Variants in SRCAP observed in about 807,000 individuals in gnomAD.
SRCAP encodes the protein chromatin remodeling protein SRCAP.
In SRCAP, 46 loss-of-function variants were observed where a neutral mutation model predicts 263.1. The ratio of observed to expected loss-of-function variants is 0.17; its 90% CI spans 0.14 to 0.22. The LOEUF is 0.22. Ranked by LOEUF, SRCAP falls within the 10% of genes least tolerant of loss-of-function variation. The pLI is 1.00. For synonymous variants in SRCAP, 1,813 were observed against 1,662.1 expected (o/e 1.09, Z -2.21); for missense variants, 3,695 against 4,181.9 (o/e 0.88, Z 3.21).
At chr16:30,727,709 G>A (rs1198638868) in intron 25 of SRCAP, among the ~76,000 whole-genome samples, 1 of 152,082 alleles carries the variant, frequency 6.6e-6, no homozygotes, top group Non-Finnish European at 1.5e-5. Context: ...GCACCACCAC[G>A]CCCAGCTAAC....
At chr16:30,710,170 A>G in intron 8 of SRCAP, 42 bp downstream of exon 8, 1 of 1,586,958 alleles carries the variant, frequency 6.3e-7, no homozygotes, top group Non-Finnish European at 8.6e-7. Context: ...GAGGGGGAAC[A>G]GAGGGAGAGG....
rs781513781 is a variant in SRCAP at position 30,721,196 on chromosome 16, A to T, written c.3261A>T (p.Pro1087=). Residue 1087 remains proline (P), a synonymous_variant, in exon 21 of 34, where the codon CCA becomes CCT. Transcript: ENST00000262518. ...PNSGSLPQVL[P]SPLGVLSGTS... ...TTTGCTTTGTGTCTGCAGTGTTGCC[A>T]TCCCCCCTGGGGGTCCTGAGTGGGA... is the stretch of plus-strand genomic sequence containing the variant. 3 of 1,605,916 alleles carry T rather than the reference A, an allele frequency of 1.9e-6. No homozygotes were observed. The highest frequency in any genetic ancestry group is 1.7e-5 in the Admixed American group (1 of 59,466).
intron 25 of SRCAP, chr16:30,725,329 C>G: frequency 1.6e-6 from 1 of 626,460 alleles, no homozygotes; most frequent in Non-Finnish European, 2.5e-6. Flanking sequence ...CCTCTTTTCC[C>G]GTTTTTTAAC....
intron 31 of SRCAP, 76 bp from the exon 32 acceptor site, chr16:30,736,124 T>C (rs1489020363): frequency 6.3e-7 from 1 of 1,576,730 alleles, no homozygotes; most frequent in Non-Finnish European, 8.6e-7. Context: ...GGTCTCAAGT[T>C]CTTGCCTGAA....
rs1188914150 is a variant in SRCAP at position 30,724,179 on chromosome 16, C to T, written c.4755C>T (p.Thr1585=). ...PASSASQALA[T]PLAPMAAPQT... ...CTTCTGCATCTCAGGCTCTAGCCAC[C>T]CCTCTGGCTCCTATGGCGGCTCCAC... Residue 1585 remains threonine (T), a synonymous_variant, in exon 25 of 34, where the codon ACC becomes ACT. Transcript: ENST00000262518. 3 of 1,614,134 alleles carry T rather than the reference C, an allele frequency of 1.9e-6. No individual in the cohort carries two copies. The highest frequency in any genetic ancestry group is 2.7e-5 in the African/African-American group (2 of 74,994).
At chr16:30,713,843 T>C in intron 16 of SRCAP, 132 bp downstream of exon 16, 1 of 769,252 alleles carries the variant, frequency 1.3e-6, no homozygotes, top group Non-Finnish European at 2.1e-6. Context: ...CAAGCTGCAG[T>C]GTTCTAGTGA....
rs774088395 is a variant in SRCAP, at chr16:30,739,219, G to A, written c.9179G>A (p.Ser3060Asn). 5 of 1,613,418 alleles carry A rather than the reference G, an allele frequency of 3.1e-6. No homozygotes were observed. Among genetic ancestry groups the A allele is most frequent in the Non-Finnish European group, 4.2e-6 (5 of 1,180,024 alleles). ...SEGSSSDEDGSRPLTRLARLR... is the reference protein window; with the variant it reads ...SEGSSSDEDGNRPLTRLARLR... Reference sequence around the variant, plus strand: ...GGTAGTTCCTCTGATGAGGATGGAAGCCGCCCCCTCACCCGCCTGGCCCGC... The same window carrying A: ...GGTAGTTCCTCTGATGAGGATGGAAACCGCCCCCTCACCCGCCTGGCCCGC... Residue 3060 changes from serine to asparagine, a missense_variant, in exon 34 of 34, where the codon AGC (serine) becomes AAC (asparagine). This residue lies in a region of SRCAP where 1,207 missense variants were observed against 1,142.9 expected (regional missense o/e 1.06). Coordinates refer to ENST00000262518, the MANE Select transcript of SRCAP (RefSeq NM_006662.3).
Position 30,704,275 on chromosome 16 carries a change from G to T in SRCAP, c.266G>T (p.Trp89Leu), listed in dbSNP as rs1255938258. 2 of 1,613,322 alleles carry T rather than the reference G, an allele frequency of 1.2e-6. No individual in the cohort carries two copies. The highest frequency in any genetic ancestry group is 1.1e-5 in the South Asian group (1 of 91,034). Residue 89 changes from tryptophan to leucine, a missense_variant, in exon 4 of 34, where the codon TGG becomes TTG. Trp to Leu is a moderately conservative substitution (Grantham distance 61). Around this residue, in one of 12 missense-constraint regions of SRCAP, gnomAD observed 122 missense variants for 116.9 expected, o/e 1.04. Coordinates refer to ENST00000262518, the MANE Select transcript of SRCAP (RefSeq NM_006662.3). The part of the protein sequence containing the change: ...AADLANKGPK[W>L]EKSHAEIAEQ... ...GACCTGGCTAACAAGGGCCCGAAGT[G>T]GGAGAAGAGCCATGCCGAAATTGCA...
intron 21 of SRCAP, 21 bp downstream of exon 21, chr16:30,721,497 G>C: frequency 6.2e-7 from 1 of 1,601,772 alleles, no homozygotes; most frequent in Non-Finnish European, 8.5e-7. Context: ...AGGGCTCTGT[G>C]GTGAGGGACT....
At position 30,723,717 on chromosome 16, in the gene SRCAP, C is replaced by G. The variant is rs79597785; in HGVS notation, c.4293C>G (p.Val1431=). ...TTGCTAGTCCTGTGTCCTCTACAGT[C>G]TCAGTTCCATTGTCATCTTCACTCC... The part of the protein sequence containing the change: ...SPLASPVSST[V]SVPLSSSLPI... The change falls in exon 25 of 34, where the codon GTC becomes GTG. Residue 1431 remains valine, a synonymous_variant. Coordinates refer to ENST00000262518, the MANE Select transcript of SRCAP (RefSeq NM_006662.3). 0.022 allele frequency: 35,934 copies of G among 1,614,130 alleles called. 532 individuals are homozygous for G. The highest frequency in any genetic ancestry group is 0.028 in the Non-Finnish European group (33,110 of 1,180,026).
chr16:30,704,489 G>T (rs1596640871), intron 4 of SRCAP, among the ~76,000 whole-genome samples, 174 bp downstream of exon 4: 1 of 152,026 alleles, frequency 6.6e-6, no homozygotes, highest in African/African-American at 2.4e-5. Flanking sequence ...CATTTTCCTT[G>T]CTGTAAATAA....
At position 30,720,230 on chromosome 16, in the gene SRCAP, A is replaced by T. The variant is rs747725985; in HGVS notation, c.2886A>T (p.Thr962=). The T allele has an allele frequency of 5.6e-6, 9 of 1,613,938 alleles. No homozygotes were observed. Among genetic ancestry groups the T allele is most frequent in the Non-Finnish European group, 7.6e-6 (9 of 1,179,984 alleles). Reference sequence around the variant, plus strand: ...GTGTCTCTCGATATGAGGCAGACACATTTCTGCCCCGGCACCGCCTCTCTC... The same window carrying T: ...GTGTCTCTCGATATGAGGCAGACACTTTTCTGCCCCGGCACCGCCTCTCTC... ...EGRVSRYEAD[T]FLPRHRLSRR... is the part of the protein sequence containing the mutation. Residue 962 remains threonine, a synonymous_variant, in exon 19 of 34, where the codon ACA becomes ACT. Coordinates refer to ENST00000262518, the MANE Select transcript of SRCAP (RefSeq NM_006662.3).
intron 4 of SRCAP, among the ~76,000 whole-genome samples, 176 bp from the exon 5 acceptor site, chr16:30,707,007 C>T (rs572707334): frequency 6.6e-6 from 1 of 152,150 alleles, no homozygotes; most frequent in Non-Finnish European, 1.5e-5. Flanking sequence ...CCTTCTTCAT[C>T]TCCCTGATCT....
chr16:30,740,066 G>T lies in SRCAP; in HGVS notation c.*333G>T. On this transcript the variant is annotated 3_prime_UTR_variant, in exon 34 of 34. Transcript: ENST00000262518. ...AGGGGGAGGGGCTTCTCTACAATGA[G>T]GTTTTTTTCTTTTTTTTTTTTTTTT... 1 of 202,892 alleles carries T rather than the reference G, an allele frequency of 4.9e-6. No homozygotes were observed. The allele number at this position is 202,892 out of a possible 1,614,324, so 12.6% of individuals were successfully genotyped here.
Position 30,738,119 on chromosome 16 carries a change from C to T in SRCAP, c.8079C>T (p.Leu2693=), listed in dbSNP as rs1209781965. 6 of 1,614,178 alleles carry T rather than the reference C, an allele frequency of 3.7e-6. No homozygotes were observed. The highest frequency in any genetic ancestry group is 2.2e-5 in the East Asian group (1 of 44,884). The change falls in exon 34 of 34, where the codon CTC becomes CTT. Residue 2693 remains leucine, a synonymous_variant. Transcript: ENST00000262518. ...PTSSPEKPQE[L]VTAEVAAPST... The stretch of plus-strand genomic sequence containing the variant: ...CCAGCCCAGAGAAGCCACAGGAACT[C>T]GTTACAGCTGAGGTTGCAGCTCCAT...
chr16:30,713,654 T>G lies in SRCAP; in HGVS notation c.2436T>G (p.Thr812=). ...EFKEWFSNPL[T]GMIEGSQEYN... is the part of the protein sequence containing the mutation. ...AGGAGTGGTTCTCTAATCCCCTAAC[T>G]GGCATGATTGAGGGCAGCCAAGAGT... Residue 812 remains threonine, a synonymous_variant, in exon 16 of 34, where the codon ACT becomes ACG. Coordinates refer to ENST00000262518, the MANE Select transcript of SRCAP (RefSeq NM_006662.3). 6.2e-7 allele frequency: 1 copy of G among 1,614,060 alleles called. No homozygotes were observed. The highest frequency in any genetic ancestry group is 1.7e-4 in the Middle Eastern group (1 of 6,056).
Position 30,711,750 on chromosome 16 carries a change from T to C in SRCAP, c.1492+6T>C. ...GGATAGTAGCAGTCAGTCAGGTGAA[T>C]ATGTGGTCATGAAGCAGGAGCTGGG... On this transcript the variant is annotated splice_donor_region_variant and intron_variant, in intron 11 of 33. Transcript: ENST00000262518. 1.2e-6 allele frequency: 2 copies of C among 1,611,628 alleles called. No individual in the cohort carries two copies. Among genetic ancestry groups the C allele is most frequent in the Non-Finnish European group, 1.7e-6 (2 of 1,178,366 alleles).
At position 30,714,460 on chromosome 16, in the gene SRCAP, C is replaced by T. The variant is rs542532250; in HGVS notation, c.2493+749C>T. On this transcript the variant is annotated intron_variant, in intron 16 of 33. Transcript: ENST00000262518. Reference sequence around the variant, plus strand: ...TCCTGACCTCGTGATCTGCCTGCCTCGGCCTCCGAAAATCCTGGAATTAAA... The same window carrying T: ...TCCTGACCTCGTGATCTGCCTGCCTTGGCCTCCGAAAATCCTGGAATTAAA... Among the ~76,000 whole-genome samples the T allele has an allele frequency of 6.8e-5, 10 of 147,270 alleles. No homozygotes were observed. In the East Asian group the frequency reaches 8.2e-4, roughly 12 times the overall value.
At chr16:30,734,675 T>A in intron 31 of SRCAP, 60 bp downstream of exon 31, 1 of 1,609,662 alleles carries the variant, frequency 6.2e-7, no homozygotes, top group South Asian at 1.1e-5. Context: ...ATCTTGTCTT[T>A]TGTTAGTCTG....
Sources: allele counts gnomAD v4.1 joint callset (sites outside exome capture counted in the v4.1 genomes callset), GRCh38; gene constraint gnomAD v4.1.1; regional missense constraint gnomAD v4.1.1; transcripts MANE v1.5; gene names NCBI Gene and HGNC (gene_info 2026-07-23, HGNC 2026-07-21).